The following NRG2 variants were observed in gnomAD, a reference collection of about 807,000 sequenced individuals.
NRG2 encodes neuregulin 2, also known as pro-neuregulin-2, membrane-bound isoform.
Under a neutral mutation model 73.9 loss-of-function variants are expected in NRG2, and 27 were observed. The observed-to-expected ratio is 0.37, with a 90% CI of 0.27 to 0.50. The LOEUF (loss-of-function observed/expected upper bound fraction) is 0.50, where lower values mean the gene tolerates loss of function less well. NRG2 is among the 20% of genes least tolerant of loss of function. The pLI is 0.96. For synonymous variants in NRG2, 532 were observed against 541.0 expected (o/e 0.98, Z 0.23); for missense variants, 1,126 against 1,210.1 (o/e 0.93, Z 1.03).
At position 139,904,201 on chromosome 5, in the gene NRG2, G is replaced by T; in HGVS notation, c.701-16690C>A. Reference sequence around the variant, plus strand: ...GCCCTCGGTGCCTGTCACCGCGGCGGCCGCTAGCGCAGCCTAGACTCACCC... The same window carrying T: ...GCCCTCGGTGCCTGTCACCGCGGCGTCCGCTAGCGCAGCCTAGACTCACCC... On this transcript the variant is annotated intron_variant, in intron 1 of 9. Transcript: ENST00000361474. This position sits in a 1 kb window ranked among gnomAD's most constrained non-coding sequence, Gnocchi z 6.0. The T allele has an allele frequency of 8.5e-7, 1 of 1,173,770 alleles. No homozygotes were observed. Among genetic ancestry groups the T allele is most frequent in the African/African-American group, 1.6e-5 (1 of 62,266 alleles). 72.7% of individuals were successfully genotyped at this position (1,173,770 alleles called of 1,614,324 possible).
At chr5:139,920,690 T>A (rs1258561079) in intron 1 of NRG2, among the ~76,000 whole-genome samples, 1 of 152,032 alleles carries the variant, frequency 6.6e-6, no homozygotes, top group Non-Finnish European at 1.5e-5. Flanking sequence ...CAAAGATTAA[T>A]CAGGTTTAAA....
At chr5:140,032,914 G>A (rs73268820) in intron 1 of NRG2, among the ~76,000 whole-genome samples, 1,853 of 152,228 alleles carry the variant, frequency 0.012, 42 homozygotes, top group African/African-American at 0.042. Flanking sequence ...TCTGTAAAAC[G>A]AAGATAGTGA....
At chr5:140,018,547 G>A (rs1759974430) in intron 1 of NRG2, among the ~76,000 whole-genome samples, 1 of 152,190 alleles carries the variant, frequency 6.6e-6, no homozygotes, top group Admixed American at 6.5e-5. Flanking sequence ...CCAAAGCCTG[G>A]AATCGAGGGC....
chr5:139,938,876 GAGA>G (rs1753065153), intron 1 of NRG2, among the ~76,000 whole-genome samples: 2 of 88,962 alleles, frequency 2.2e-5, no homozygotes, highest in East Asian at 3.1e-4. Context: ...GAGAGAGAGA[GAGA>G]GAAGGAAAGA....
intron 1 of NRG2, among the ~76,000 whole-genome samples, chr5:139,959,479 C>G (rs540723892): frequency 6.6e-6 from 1 of 152,206 alleles, no homozygotes; most frequent in Admixed American, 6.5e-5. Context: ...TAGGTTCAAG[C>G]GATTCTCCTG....
At chr5:139,848,776 T>C in intron 9 of NRG2, 79 bp from the exon 10 acceptor site, 5 of 39,556 alleles carry the variant, frequency 1.3e-4, no homozygotes, top group Admixed American at 3.0e-4. Flanking sequence ...TGGGGTAGGG[T>C]GGGAGGGGCG....
At chr5:139,927,710 G>A (rs1193391579) in intron 1 of NRG2, among the ~76,000 whole-genome samples, 1 of 148,184 alleles carries the variant, frequency 6.7e-6, no homozygotes, top group Admixed American at 6.8e-5. Context: ...GTTGCGGTGA[G>A]CCAAGATCGC....
chr5:139,900,727 C>T (rs1764829272), intron 1 of NRG2, among the ~76,000 whole-genome samples: 1 of 152,234 alleles, frequency 6.6e-6, no homozygotes, highest in African/African-American at 2.4e-5. Flanking sequence ...GGGAAACCAA[C>T]CCCGAGGCCA....
intron 1 of NRG2, among the ~76,000 whole-genome samples, chr5:140,035,108 T>C (rs746073184): frequency 3.3e-5 from 5 of 152,048 alleles, no homozygotes; most frequent in Non-Finnish European, 7.4e-5. Flanking sequence ...GGCTCCTCAT[T>C]TTCATTCCCC....
rs1319853057 is a variant in NRG2 at position 139,871,576 on chromosome 5, G to C, written c.1112+145C>G. 2.9e-6 allele frequency: 3 copies of C among 1,031,666 alleles called. No homozygotes were observed. The African/African-American group carries it at 4.8e-5, about 17-fold the overall frequency. The allele number at this position is 1,031,666 out of a possible 1,614,324, so 63.9% of individuals were successfully genotyped here. A position where few individuals can be genotyped will look rare whatever the true frequency, so the allele number is the denominator to read the frequency against. ...CTCCTTATATTCCAGGAAAGGGCTA[G>C]GAAGTAGGGCAAAGCTTCCTGTCTA... On this transcript the variant is annotated intron_variant, in intron 4 of 9. Transcript: ENST00000361474.
At chr5:139,994,303 G>C (rs1757868423) in intron 1 of NRG2, among the ~76,000 whole-genome samples, 1 of 152,150 alleles carries the variant, frequency 6.6e-6, no homozygotes, top group South Asian at 2.1e-4. Flanking sequence ...ATGAATACAA[G>C]AGCAAACTCT....
At chr5:139,979,689 G>A (rs1284171685) in intron 1 of NRG2, among the ~76,000 whole-genome samples, 2 of 152,174 alleles carry the variant, frequency 1.3e-5, no homozygotes, top group Non-Finnish European at 2.9e-5. Flanking sequence ...AGTGTGCTTG[G>A]AAGCAGATCT....
chr5:139,904,363 C>A lies in NRG2; in HGVS notation c.701-16852G>T, dbSNP rs746065968. ...CTTCCTCCCCTCTGGGTGCTTCTTG[C>A]CGCGGCCGCGGCCCCTCCTCCTGGA... is the stretch of plus-strand genomic sequence containing the variant. On this transcript the variant is annotated intron_variant, in intron 1 of 9. Coordinates refer to ENST00000361474, the MANE Select transcript of NRG2 (RefSeq NM_004883.3). The surrounding 1 kb of genome is among the most constrained non-coding windows in gnomAD (Gnocchi z 6.0). The A allele has an allele frequency of 1.0e-5, 16 of 1,587,714 alleles. No homozygotes were observed. Among genetic ancestry groups the A allele is most frequent in the Admixed American group, 3.4e-5 (2 of 59,268 alleles).
chr5:139,876,698 C>T (rs911430582), intron 3 of NRG2, among the ~76,000 whole-genome samples: 1 of 152,020 alleles, frequency 6.6e-6, no homozygotes, highest in African/African-American at 2.4e-5. Flanking sequence ...GCTTGTCCTT[C>T]AAGACTCAGG....
At chr5:139,932,421 TA>T (rs35539824) in intron 1 of NRG2, among the ~76,000 whole-genome samples, 2 of 150,890 alleles carry the variant, frequency 1.3e-5, no homozygotes, top group Non-Finnish European at 2.9e-5. Flanking sequence ...TTTTTTTTTT[TA>T]AAAAAAGCTC....
chr5:139,969,265 T>A (rs1403404682), intron 1 of NRG2, among the ~76,000 whole-genome samples: 4 of 152,260 alleles, frequency 2.6e-5, no homozygotes, highest in African/African-American at 9.6e-5. Context: ...CTGAAGCAAG[T>A]TCTAGATTTG....
chr5:139,935,663 T>C (rs1752793254), intron 1 of NRG2, among the ~76,000 whole-genome samples: 1 of 152,016 alleles, frequency 6.6e-6, no homozygotes, highest in Non-Finnish European at 1.5e-5. Context: ...ATATTTTGAA[T>C]CAAATGAAAA....
intron 1 of NRG2, among the ~76,000 whole-genome samples, chr5:140,025,279 G>A (rs1760596492): frequency 6.6e-6 from 1 of 152,068 alleles, no homozygotes; most frequent in African/African-American, 2.4e-5. Flanking sequence ...TGCCATCTCT[G>A]TAACACAGCA....
chr5:140,029,063 C>T (rs764647793), intron 1 of NRG2, among the ~76,000 whole-genome samples: 2 of 152,210 alleles, frequency 1.3e-5, no homozygotes, highest in African/African-American at 2.4e-5. Context: ...ACTGTTCAGC[C>T]ACCATCTGAC....
Sources: gnomAD v4.1 joint callset for allele counts (sites outside exome capture counted in the v4.1 genomes callset) on GRCh38, gnomAD v4.1.1 for gene constraint, Gnocchi (gnomAD v3.1) non-coding constraint, MANE v1.5 for transcripts, NCBI Gene and HGNC (gene_info 2026-07-23, HGNC 2026-07-21) for gene names.